The following ACOT7 variants were observed in gnomAD, a reference collection of about 807,000 sequenced individuals.
The protein encoded by ACOT7 is cytosolic acyl coenzyme A thioester hydrolase.
ACOT7 carries 12 observed loss-of-function variants against 40.2 expected under a neutral mutation model. The ratio of observed to expected loss-of-function variants is 0.30; its 90% CI spans 0.19 to 0.48. The LOEUF is 0.48. Among genes scored for constraint, ACOT7 ranks in the 20% least tolerant of loss-of-function variants. ACOT7 has a pLI of 0.99. For synonymous variants in ACOT7, 228 were observed against 219.5 expected (o/e 1.04, Z -0.34); for missense variants, 395 against 530.8 (o/e 0.74, Z 2.51).
chr1:6,301,483 G>T lies in ACOT7; in HGVS notation c.713-6503C>A, dbSNP rs1639971993. On this transcript the variant is annotated intron_variant, in intron 6 of 8. Coordinates refer to ENST00000361521, the MANE Select transcript of ACOT7 (RefSeq NM_007274.4). The surrounding 1 kb of genome is among the most constrained non-coding windows in gnomAD (Gnocchi z 4.1). The stretch of plus-strand genomic sequence containing the variant: ...CTTCACCACCCCCATGCTCCTGCAG[G>T]CTCCACACGGCACCCCCAGACCACA... Among the ~76,000 whole-genome samples the T allele has an allele frequency of 6.6e-6, 1 of 152,084 alleles. No individual in the cohort carries two copies. Among genetic ancestry groups the T allele is most frequent in the Admixed American group, 6.6e-5 (1 of 15,256 alleles).
chr1:6,360,277 G>A (rs921795823), intron 1 of ACOT7, among the ~76,000 whole-genome samples: 17 of 152,230 alleles, frequency 1.1e-4, no homozygotes, highest in Admixed American at 2.0e-4. Context: ...ATGTCTGCCC[G>A]GAGGGGAGGT....
At chr1:6,313,706 AG>A (rs1640405538) in intron 6 of ACOT7, among the ~76,000 whole-genome samples, 1 of 152,040 alleles carries the variant, frequency 6.6e-6, no homozygotes, top group Admixed American at 6.5e-5. Flanking sequence ...GCTCACCAAG[AG>A]GGCACTCCCA....
intron 1 of ACOT7, among the ~76,000 whole-genome samples, chr1:6,351,788 C>G (rs1283518487): frequency 6.6e-6 from 1 of 152,250 alleles, no homozygotes; most frequent in Admixed American, 6.5e-5. Flanking sequence ...AGGAATGACA[C>G]AAGGCCAGGG....
At chr1:6,276,230 G>C (rs949321058) in intron 8 of ACOT7, among the ~76,000 whole-genome samples, 1 of 152,094 alleles carries the variant, frequency 6.6e-6, no homozygotes, top group Non-Finnish European at 1.5e-5. Context: ...TGCCAGGGAC[G>C]TCCTCCGCTT....
In ACOT7 at chr1:6,327,381, C is replaced by G; in HGVS notation, c.543G>C (p.Arg181=). ...CCAGCTTCTGGGCTTCATACCGCTT[C>G]CGGCCCTCCTCCTCCTGCTCCTGCC... is the stretch of plus-strand genomic sequence containing the variant. ...YSRQEQEEEG[R]KRYEAQKLER... is the part of the protein sequence containing the mutation. Residue 181 remains arginine (R), a synonymous_variant, in exon 5 of 9, where the codon CGG becomes CGC. Transcript: ENST00000361521. 6.2e-7 allele frequency: 1 copy of G among 1,614,212 alleles called. No homozygotes were observed. The highest frequency in any genetic ancestry group is 8.5e-7 in the Non-Finnish European group (1 of 1,180,042).
intron 6 of ACOT7, among the ~76,000 whole-genome samples, chr1:6,318,209 C>T (rs564326791): frequency 1.3e-5 from 2 of 152,300 alleles, no homozygotes; most frequent in African/African-American, 2.4e-5. Flanking sequence ...TGCAGGCCAC[C>T]ATGCCCGGCT....
At chr1:6,277,608 C>A (rs1048994852) in intron 8 of ACOT7, among the ~76,000 whole-genome samples, 4 of 152,258 alleles carry the variant, frequency 2.6e-5, no homozygotes, top group African/African-American at 4.8e-5. Flanking sequence ...AGTGGCTCTG[C>A]GCCTTTGGCC....
chr1:6,279,934 G>A (rs988919512), intron 8 of ACOT7, among the ~76,000 whole-genome samples: 1 of 152,204 alleles, frequency 6.6e-6, no homozygotes, highest in African/African-American at 2.4e-5. Context: ...GACAGGCCGT[G>A]CTCCAGGCTC....
chr1:6,361,204 A>C (rs1218496803), intron 1 of ACOT7, among the ~76,000 whole-genome samples: 1 of 152,112 alleles, frequency 6.6e-6, no homozygotes, highest in Non-Finnish European at 1.5e-5. Flanking sequence ...CCTTGAAACC[A>C]CCCTGGGTGA....
chr1:6,317,682 C>T (rs761109), intron 6 of ACOT7, among the ~76,000 whole-genome samples: 22,653 of 151,754 alleles, frequency 0.15, 1,837 homozygotes, highest in African/African-American at 0.22. Flanking sequence ...CGCAGTCATC[C>T]GTTTAATTTT....
chr1:6,384,712 A>G (rs1431426786), intron 1 of ACOT7, among the ~76,000 whole-genome samples: 1 of 151,688 alleles, frequency 6.6e-6, no homozygotes, highest in African/African-American at 2.4e-5. Flanking sequence ...TCCTGAAGCT[A>G]TATCTAGGGC....
Position 6,294,512 on chromosome 1 carries a change from C to A in ACOT7, c.829+352G>T, listed in dbSNP as rs1639759383. On this transcript the variant is annotated intron_variant, in intron 7 of 8. Coordinates refer to ENST00000361521, the MANE Select transcript of ACOT7 (RefSeq NM_007274.4). The surrounding 1 kb of genome is among the most constrained non-coding windows in gnomAD (Gnocchi z 4.6). ...CCTAAATCATGAATCATTAATTCCG[C>A]TCCCAAAATGAAATGTGCTGCCATG... Among the ~76,000 whole-genome samples, 1 of 152,214 alleles carries A rather than the reference C, an allele frequency of 6.6e-6. No individual in the cohort carries two copies. Among genetic ancestry groups the A allele is most frequent in the Non-Finnish European group, 1.5e-5 (1 of 68,032 alleles).
At chr1:6,283,613 G>C (rs1639417281) in intron 7 of ACOT7, among the ~76,000 whole-genome samples, 1 of 152,202 alleles carries the variant, frequency 6.6e-6, no homozygotes, top group Non-Finnish European at 1.5e-5. Flanking sequence ...AAACAACTAA[G>C]TAGGTTGATT....
chr1:6,337,308 C>T (rs529079345), intron 3 of ACOT7, among the ~76,000 whole-genome samples: 70 of 152,318 alleles, frequency 4.6e-4, no homozygotes, highest in African/African-American at 1.7e-3. Context: ...CTCACGCCTG[C>T]CTTGGCTCTG....
At chr1:6,287,125 C>T (rs999076288) in intron 7 of ACOT7, among the ~76,000 whole-genome samples, 2 of 152,214 alleles carry the variant, frequency 1.3e-5, no homozygotes, top group African/African-American at 4.8e-5. Context: ...CCAGGAGTTC[C>T]GGCACAAGTG....
At position 6,376,302 on chromosome 1, in the gene ACOT7, G is replaced by A. The variant is rs1455222207; in HGVS notation, c.143+16955C>T. On this transcript the variant is annotated intron_variant, in intron 1 of 8. Transcript: ENST00000361521. Reference sequence around the variant, plus strand: ...AAAAAAATTAGCCAGGCACAGTAGGGTGCACCTGTAGTCAAGGCTACTAGG... The same window carrying A: ...AAAAAAATTAGCCAGGCACAGTAGGATGCACCTGTAGTCAAGGCTACTAGG... 2.6e-5 allele frequency among the ~76,000 whole-genome samples: 4 copies of A among 152,068 alleles called. No individual in the cohort carries two copies. In the East Asian group the frequency reaches 5.8e-4, roughly 22 times the overall value.
At chr1:6,356,412 CCAGCACCCTCAGCCCAGCT>C (rs1352122950) in intron 1 of ACOT7, among the ~76,000 whole-genome samples, 11 of 151,738 alleles carry the variant, frequency 7.2e-5, no homozygotes, top group Non-Finnish European at 1.0e-4. Flanking sequence ...TCAGCCCTGC[CCAGCACCCTCAGCCCAGCT>C]CAGCACCCTC....
rs76083994 is a variant in ACOT7, at chr1:6,355,637, C to T, written c.144-5771G>A. Among the ~76,000 whole-genome samples, 5 of 152,324 alleles carry T rather than the reference C, an allele frequency of 3.3e-5. No homozygotes were observed. Among genetic ancestry groups the T allele is most frequent in the Non-Finnish European group, 7.3e-5 (5 of 68,028 alleles). Reference sequence around the variant, plus strand: ...ACTGGGCAGGGACCTCGGTGAGATGCCTGTGTCTTTTGGATGCCTTTAAAC... The same window carrying T: ...ACTGGGCAGGGACCTCGGTGAGATGTCTGTGTCTTTTGGATGCCTTTAAAC... On this transcript the variant is annotated intron_variant, in intron 1 of 8. Transcript: ENST00000361521. The surrounding 1 kb of genome is among the most constrained non-coding windows in gnomAD (Gnocchi z 5.0).
At position 6,327,292 on chromosome 1, in the gene ACOT7, C is replaced by T; in HGVS notation, c.625+7G>A. On this transcript the variant is annotated splice_region_variant and intron_variant, in intron 5 of 8. Transcript: ENST00000361521. ...TGGCACCTGCTGCTGGTGTCCGCGG[C>T]TCTTACCTGGGTTGAGGACTGGCTG... 6.2e-7 allele frequency: 1 copy of T among 1,614,092 alleles called. No homozygotes were observed. Among genetic ancestry groups the T allele is most frequent in the South Asian group, 1.1e-5 (1 of 91,062 alleles).
Sources: gnomAD v4.1 joint callset for allele counts (sites outside exome capture counted in the v4.1 genomes callset) on GRCh38, gnomAD v4.1.1 for gene constraint, Gnocchi (gnomAD v3.1) non-coding constraint, MANE v1.5 for transcripts, NCBI Gene and HGNC (gene_info 2026-07-23, HGNC 2026-07-21) for gene names.